The following PUS10 variants were observed in gnomAD, a reference collection of about 807,000 sequenced individuals.
PUS10 encodes tRNA pseudouridine synthase Pus10.
Under a neutral mutation model 75.0 loss-of-function variants are expected in PUS10, and 59 were observed. The ratio of observed to expected loss-of-function variants is 0.79; its 90% CI spans 0.64 to 0.98. The LOEUF (loss-of-function observed/expected upper bound fraction) is 0.98, where lower values mean the gene tolerates loss of function less well. PUS10 is among the 50% of genes least tolerant of loss of function. The probability of loss-of-function intolerance (pLI) is 0.00; values close to 1 mark genes in which losing one functional copy is unlikely to be tolerated. For synonymous variants in PUS10, 219 were observed against 211.6 expected (o/e 1.03, Z -0.30); for missense variants, 650 against 614.4 (o/e 1.06, Z -0.61).
intron 4 of PUS10, among the ~76,000 whole-genome samples, chr2:60,996,100 C>G (rs1678441797): frequency 6.6e-6 from 1 of 152,152 alleles, no homozygotes; most frequent in South Asian, 2.1e-4. Flanking sequence ...GCTTCTAGTC[C>G]TGCTTGACTG....
At chr2:60,972,872 C>A (rs770955415) in intron 4 of PUS10, among the ~76,000 whole-genome samples, 1 of 152,234 alleles carries the variant, frequency 6.6e-6, no homozygotes, top group Non-Finnish European at 1.5e-5. Context: ...TTCTTTCAGA[C>A]GTCAGCCAAG....
intron 4 of PUS10, among the ~76,000 whole-genome samples, chr2:60,975,520 C>T (rs994357398): frequency 1.4e-4 from 22 of 151,986 alleles, no homozygotes; most frequent in African/African-American, 5.3e-4. Context: ...ATTTCTGGGA[C>T]TCAACTTTCT....
intron 1 of PUS10, chr2:61,017,516 T>G (rs1488393198): frequency 6.1e-6 from 3 of 488,424 alleles, no homozygotes; most frequent in Non-Finnish European, 7.4e-6. Context: ...GCCTTTACCC[T>G]GAGGTTTAGA....
chr2:61,000,758 C>T (rs1300076531), intron 4 of PUS10, among the ~76,000 whole-genome samples: 1 of 152,170 alleles, frequency 6.6e-6, no homozygotes, highest in Non-Finnish European at 1.5e-5. Context: ...AACCCATTTT[C>T]CTAGTGTTCC....
intron 4 of PUS10, among the ~76,000 whole-genome samples, chr2:61,000,656 T>C (rs1678793406): frequency 6.6e-6 from 1 of 152,190 alleles, no homozygotes; most frequent in African/African-American, 2.4e-5. Context: ...CATCTCCCTC[T>C]TACCCTGACC....
intron 11 of PUS10, among the ~76,000 whole-genome samples, chr2:60,958,647 G>A (rs1675824918): frequency 6.6e-6 from 1 of 152,130 alleles, no homozygotes; most frequent in African/African-American, 2.4e-5. Context: ...GCTTTGAGAG[G>A]CCAAGGCAGA....
At chr2:60,945,214 G>A (rs540011589) in intron 16 of PUS10, 106 bp from the exon 17 acceptor site, 6 of 728,874 alleles carry the variant, frequency 8.2e-6, no homozygotes, top group South Asian at 3.3e-5. Context: ...ACAAAAGAAA[G>A]GTTACTTCTG....
chr2:60,978,265 T>C (rs1402222801), intron 4 of PUS10, among the ~76,000 whole-genome samples: 1 of 151,218 alleles, frequency 6.6e-6, no homozygotes, highest in Non-Finnish European at 1.5e-5. Context: ...CTACTAAAAA[T>C]ACAAAAATTA....
At chr2:60,976,304 C>T (rs1048115099) in intron 4 of PUS10, among the ~76,000 whole-genome samples, 4 of 152,224 alleles carry the variant, frequency 2.6e-5, no homozygotes, top group Non-Finnish European at 4.4e-5. Context: ...CTCATTCCGT[C>T]ATATTTCCAA....
intron 4 of PUS10, among the ~76,000 whole-genome samples, chr2:60,977,967 A>G (rs2104465931): frequency 6.6e-6 from 1 of 152,364 alleles, no homozygotes; most frequent in South Asian, 2.1e-4. Context: ...AAACGATAAT[A>G]AACATTAAGC....
chr2:61,014,958 A>G (rs1573535452), intron 1 of PUS10, among the ~76,000 whole-genome samples: 1 of 152,212 alleles, frequency 6.6e-6, no homozygotes. Flanking sequence ...ACTCTTCACC[A>G]TAAAAATCAG....
chr2:61,012,747 T>C (rs1244488630), intron 1 of PUS10, among the ~76,000 whole-genome samples: 2 of 136,582 alleles, frequency 1.5e-5, no homozygotes, highest in African/African-American at 2.8e-5. Flanking sequence ...GGCAGGAGAA[T>C]CACTTGAACC....
intron 1 of PUS10, among the ~76,000 whole-genome samples, chr2:61,013,385 G>A (rs949374583): frequency 9.9e-5 from 15 of 152,166 alleles, no homozygotes; most frequent in Non-Finnish European, 2.2e-4. Context: ...TGCATGCTCT[G>A]AGAGGCCAAG....
intron 4 of PUS10, among the ~76,000 whole-genome samples, chr2:61,001,563 C>T (rs558172896): frequency 6.6e-6 from 1 of 152,344 alleles, no homozygotes; most frequent in South Asian, 2.1e-4. Flanking sequence ...AGGCATGAGC[C>T]AACACCCAGC....
At chr2:60,998,993 A>G (rs1214062428) in intron 4 of PUS10, 1 of 152,374 alleles carries the variant, frequency 6.6e-6, no homozygotes, top group Non-Finnish European at 1.5e-5. Flanking sequence ...GCAAATTGAT[A>G]AGCAGGTGTT....
At chr2:61,012,783 G>A (rs1679688098) in intron 1 of PUS10, among the ~76,000 whole-genome samples, 1 of 128,576 alleles carries the variant, frequency 7.8e-6, no homozygotes, top group Non-Finnish European at 1.6e-5. Flanking sequence ...GCAGTGAGCC[G>A]AGATTGCGCC....
intron 9 of PUS10, among the ~76,000 whole-genome samples, 194 bp downstream of exon 9, chr2:60,962,632 T>A (rs550764556): frequency 6.6e-6 from 1 of 152,250 alleles, no homozygotes; most frequent in African/African-American, 2.4e-5. Context: ...AGACTTGATA[T>A]TAATTTGACA....
chr2:60,954,031 A>G, intron 13 of PUS10, 43 bp from the exon 14 acceptor site: 1 of 1,607,422 alleles, frequency 6.2e-7, no homozygotes, highest in East Asian at 2.2e-5. Flanking sequence ...AGTCTAGCTC[A>G]GTTACAGAAT....
intron 4 of PUS10, among the ~76,000 whole-genome samples, chr2:60,990,065 CAT>C (rs1677982396): frequency 6.6e-6 from 1 of 152,046 alleles, no homozygotes; most frequent in Non-Finnish European, 1.5e-5. Flanking sequence ...AATAGCAACA[CAT>C]ATTGATATTC....
Sources: gnomAD v4.1 joint callset for allele counts (sites outside exome capture counted in the v4.1 genomes callset) on GRCh38, gnomAD v4.1.1 for gene constraint, MANE v1.5 for transcripts, NCBI Gene and HGNC (gene_info 2026-07-23, HGNC 2026-07-21) for gene names.